Variants in NTRK2 observed in about 807,000 individuals in gnomAD.
NTRK2 encodes BDNF/NT-3 growth factors receptor.
Under a neutral mutation model 94.5 loss-of-function variants are expected in NTRK2, and 13 were observed. The ratio of observed to expected loss-of-function variants is 0.14; its 90% CI spans 0.09 to 0.22. The LOEUF is 0.22. Ranked by LOEUF, NTRK2 falls within the 10% of genes least tolerant of loss-of-function variation. NTRK2 has a pLI of 1.00. For missense variants in NTRK2, 639 were observed against 1,071.2 expected (o/e 0.60, Z 5.63); for synonymous variants, 372 against 407.4 (o/e 0.91, Z 1.05).
At chr9:84,676,531 G>A (rs2131341255) in intron 2 of NTRK2, among the ~76,000 whole-genome samples, 1 of 152,284 alleles carries the variant, frequency 6.6e-6, no homozygotes, top group East Asian at 1.9e-4. Context: ...AAGAGAAAGG[G>A]CTTTAGAAAT....
chr9:84,929,561 C>A (rs1236021698), intron 14 of NTRK2, among the ~76,000 whole-genome samples: 1 of 149,226 alleles, frequency 6.7e-6, no homozygotes, highest in Non-Finnish European at 1.5e-5. Context: ...GAGTTTGGTT[C>A]CTTTTTTTTT....
intron 14 of NTRK2, among the ~76,000 whole-genome samples, chr9:84,888,186 A>G (rs1018659029): frequency 1.3e-5 from 2 of 152,226 alleles, no homozygotes; most frequent in Non-Finnish European, 2.9e-5. Context: ...GAACTTAACC[A>G]GTTCTGGAAA....
chr9:84,788,560 T>C (rs940864945), intron 12 of NTRK2, among the ~76,000 whole-genome samples: 1 of 152,150 alleles, frequency 6.6e-6, no homozygotes, highest in Non-Finnish European at 1.5e-5. Context: ...TGAACTTGGA[T>C]GTAGAGGCCA....
At chr9:84,876,917 G>T in intron 14 of NTRK2, 3 of 1,061,172 alleles carry the variant, frequency 2.8e-6, no homozygotes, top group Non-Finnish European at 3.4e-6. Context: ...TGAGATTTTT[G>T]ATTTCACTGA....
chr9:84,910,610 C>T (rs993015028), intron 14 of NTRK2, among the ~76,000 whole-genome samples: 3 of 152,130 alleles, frequency 2.0e-5, no homozygotes, highest in Admixed American at 6.5e-5. Flanking sequence ...TCTGAGGACT[C>T]AGCAGCCATA....
chr9:84,707,801 G>A (rs756584551), intron 4 of NTRK2, 43 bp from the exon 5 acceptor site: 3 of 1,457,668 alleles, frequency 2.1e-6, no homozygotes, highest in East Asian at 2.3e-5. Context: ...TTCCTAAAAT[G>A]TAACATTTTA....
chr9:84,775,931 C>CA (rs948074472), intron 12 of NTRK2, among the ~76,000 whole-genome samples: 72 of 152,110 alleles, frequency 4.7e-4, no homozygotes, highest in African/African-American at 1.6e-3. Flanking sequence ...CTAGAGTACA[C>CA]AAAAAACATT....
intron 12 of NTRK2, among the ~76,000 whole-genome samples, chr9:84,846,316 C>T (rs2074469456): frequency 6.6e-6 from 1 of 152,216 alleles, no homozygotes; most frequent in Non-Finnish European, 1.5e-5. Flanking sequence ...GACCTCTCAT[C>T]GTCCCCTCCA....
intron 12 of NTRK2, among the ~76,000 whole-genome samples, chr9:84,833,061 T>TC (rs1312540959): frequency 2.4e-5 from 3 of 125,870 alleles, no homozygotes; most frequent in Admixed American, 1.1e-4. Flanking sequence ...CTCAGAATCA[T>TC]CCAGTTAAAG....
rs2068225725 is a variant in NTRK2 at position 84,787,323 on chromosome 9, CAAACA to C, written c.1396+35241_1396+35245del. ...AAAACAAACAAACAAACAAACAAAA[CAAACA>C]AACAAACAAACAAAAAACAGGCACA... is the stretch of plus-strand genomic sequence containing the variant. On this transcript the variant is annotated intron_variant, in intron 12 of 18. Coordinates refer to ENST00000277120, the MANE Select transcript of NTRK2 (RefSeq NM_006180.6). Among the ~76,000 whole-genome samples the C allele has an allele frequency of 2.1e-5, 3 of 143,672 alleles. No individual in the cohort carries two copies. The South Asian group carries it at 6.5e-4, about 31-fold the overall frequency. 94.3% of individuals were successfully genotyped at this position (143,672 alleles called of 152,430 possible). A position where few individuals can be genotyped will look rare whatever the true frequency, so the allele number is the denominator to read the frequency against.
At chr9:85,000,963 C>T (rs778461943) in intron 17 of NTRK2, among the ~76,000 whole-genome samples, 31 of 152,196 alleles carry the variant, frequency 2.0e-4, no homozygotes, top group Non-Finnish European at 3.1e-4. Flanking sequence ...TTCTAATAGG[C>T]GTGATAGGTG....
chr9:84,781,970 G>GA (rs1462901677), intron 12 of NTRK2, among the ~76,000 whole-genome samples: 1 of 151,892 alleles, frequency 6.6e-6, no homozygotes, highest in African/African-American at 2.4e-5. Flanking sequence ...ACCTTGGAGG[G>GA]TGTTCTAAAA....
At chr9:84,740,426 A>C (rs1199692972) in intron 9 of NTRK2, among the ~76,000 whole-genome samples, 1 of 152,268 alleles carries the variant, frequency 6.6e-6, no homozygotes. Context: ...TCAAAATATG[A>C]TTGAAATTTA....
rs1564565211 is a variant in NTRK2, at chr9:85,025,124, C to T, written c.*3687C>T. ...ACTCCACGTGGGTAGGACTACATCA[C>T]ACTTTTCAACTCTGTGCAGTACTGC... On this transcript the variant is annotated 3_prime_UTR_variant, in exon 19 of 19. Coordinates refer to ENST00000277120, the MANE Select transcript of NTRK2 (RefSeq NM_006180.6). 8.6e-6 allele frequency: 2 copies of T among 233,004 alleles called. No individual in the cohort carries two copies. Among genetic ancestry groups the T allele is most frequent in the Non-Finnish European group, 1.7e-5 (2 of 117,956 alleles). 14.4% of individuals were successfully genotyped at this position (233,004 alleles called of 1,614,324 possible). A position where few individuals can be genotyped will look rare whatever the true frequency, so the allele number is the denominator to read the frequency against.
intron 12 of NTRK2, among the ~76,000 whole-genome samples, chr9:84,792,880 T>G (rs545497149): frequency 6.6e-6 from 1 of 152,206 alleles, no homozygotes; most frequent in Admixed American, 6.5e-5. Flanking sequence ...AAATAGATAT[T>G]ATATAACTTC....
Position 85,024,651 on chromosome 9 carries a change from G to T in NTRK2, c.*3214G>T. On this transcript the variant is annotated 3_prime_UTR_variant, in exon 19 of 19. Transcript: ENST00000277120. ...ACAAGCAGTTCAGGAAAGAAAGCATGCTAACACATTCATGAAGCAGTATAT... is the reference window on the plus strand; with the variant it reads ...ACAAGCAGTTCAGGAAAGAAAGCATTCTAACACATTCATGAAGCAGTATAT... The T allele has an allele frequency of 4.3e-6, 1 of 232,922 alleles. No homozygotes were observed. The highest frequency in any genetic ancestry group is 5.6e-5 in the Admixed American group (1 of 17,784). The allele number at this position is 232,922 out of a possible 1,614,324, so 14.4% of individuals were successfully genotyped here. A position where few individuals can be genotyped will look rare whatever the true frequency, so the allele number is the denominator to read the frequency against.
intron 12 of NTRK2, among the ~76,000 whole-genome samples, chr9:84,801,027 T>C (rs2070372630): frequency 1.3e-5 from 2 of 152,228 alleles, no homozygotes; most frequent in African/African-American, 4.8e-5. Flanking sequence ...GCAATTGATG[T>C]GATCATTTGC....
intron 2 of NTRK2, among the ~76,000 whole-genome samples, chr9:84,672,180 G>A (rs1332456390): frequency 6.6e-6 from 1 of 152,174 alleles, no homozygotes; most frequent in African/African-American, 2.4e-5. Flanking sequence ...ATGTAAGTAA[G>A]AGACCTTCCT....
chr9:84,674,026 T>G (rs2058871346), intron 2 of NTRK2, among the ~76,000 whole-genome samples: 1 of 152,192 alleles, frequency 6.6e-6, no homozygotes, highest in African/African-American at 2.4e-5. Flanking sequence ...CCCAGTTGTA[T>G]TAAGTGCCAA....
Sources: allele counts gnomAD v4.1 joint callset (sites outside exome capture counted in the v4.1 genomes callset), GRCh38; gene constraint gnomAD v4.1.1; transcripts MANE v1.5; gene names NCBI Gene and HGNC (gene_info 2026-07-23, HGNC 2026-07-21).